The following KDM4C variants were observed in gnomAD, a reference collection of about 807,000 sequenced individuals.
KDM4C encodes lysine demethylase 4C.
In KDM4C, 81 loss-of-function variants were observed where a neutral mutation model predicts 129.3. That is an observed-to-expected ratio of 0.63 (90% CI 0.52 to 0.75). The LOEUF is 0.75. Among genes scored for constraint, KDM4C ranks in the 30% least tolerant of loss-of-function variants. The pLI is 0.00. For synonymous variants in KDM4C, 573 were observed against 456.1 expected, an observed-to-expected ratio of 1.26 and a Z score of -3.26; for missense variants, 1,457 against 1,304.0, an observed-to-expected ratio of 1.12 and a Z score of -1.81.
chr9:6,814,893 T>TTTC (rs1452592227), intron 4 of KDM4C, 148 bp downstream of exon 4: 1 of 442,388 alleles, frequency 2.3e-6, no homozygotes, highest in Non-Finnish European at 4.0e-6. Context: ...ATCAGTAGGA[T>TTTC]TTCTGCTGCT....
chr9:6,964,996 C>A (rs1256939968), intron 8 of KDM4C, among the ~76,000 whole-genome samples: 1 of 151,650 alleles, frequency 6.6e-6, no homozygotes, highest in Non-Finnish European at 1.5e-5. Flanking sequence ...GATTTTTCTC[C>A]TACATAACCT....
At chr9:6,770,537 TATGGCA>T in intron 1 of KDM4C, among the ~76,000 whole-genome samples, 1 of 151,922 alleles carries the variant, frequency 6.6e-6, no homozygotes, top group Non-Finnish European at 1.5e-5. Flanking sequence ...ACAGATTGCA[TATGGCA>T]TGATAATACA....
At position 7,121,073 on chromosome 9, in the gene KDM4C, T is replaced by G. The variant is rs572897327; in HGVS notation, c.2611-6993T>G. 7.9e-4 allele frequency among the ~76,000 whole-genome samples: 121 copies of G among 152,354 alleles called. 1 individual carries two copies. The highest frequency in any genetic ancestry group is 2.9e-3 in the African/African-American group (119 of 41,598). ...ATCACTAACATTTTAGTATGTATTT[T>G]CTCAGTGTTCCTTTTTTCTAGGCAT... is the stretch of plus-strand genomic sequence containing the variant. On this transcript the variant is annotated intron_variant, in intron 18 of 21. Transcript: ENST00000381309.
intron 8 of KDM4C, among the ~76,000 whole-genome samples, chr9:6,911,016 A>G (rs1253653868): frequency 6.6e-6 from 1 of 152,178 alleles, no homozygotes; most frequent in African/African-American, 2.4e-5. Flanking sequence ...TTATAGAAAG[A>G]TGTTTATTAA....
At chr9:7,031,497 G>A (rs1826763233) in intron 15 of KDM4C, among the ~76,000 whole-genome samples, 1 of 152,046 alleles carries the variant, frequency 6.6e-6, no homozygotes, top group Non-Finnish European at 1.5e-5. Flanking sequence ...TTAGATATAA[G>A]CAAACTATAT....
At chr9:6,867,014 TATA>T (rs1404155750) in intron 5 of KDM4C, among the ~76,000 whole-genome samples, 137 of 56,580 alleles carry the variant, frequency 2.4e-3, no homozygotes, top group South Asian at 5.5e-3. Flanking sequence ...TATATATATA[TATA>T]TTTTTTTTTT....
At chr9:6,868,343 A>G (rs1218362601) in intron 5 of KDM4C, among the ~76,000 whole-genome samples, 1 of 152,074 alleles carries the variant, frequency 6.6e-6, no homozygotes, top group African/African-American at 2.4e-5. Flanking sequence ...GAGTTTCCGT[A>G]GGTAACATAG....
At chr9:6,972,649 T>C (rs1414412333) in intron 8 of KDM4C, among the ~76,000 whole-genome samples, 1 of 152,212 alleles carries the variant, frequency 6.6e-6, no homozygotes, top group Non-Finnish European at 1.5e-5. Context: ...ACAGACTGGT[T>C]TAATGCAGCT....
chr9:6,784,320 C>T (rs1825010559), intron 1 of KDM4C, among the ~76,000 whole-genome samples: 2 of 152,070 alleles, frequency 1.3e-5, no homozygotes, highest in African/African-American at 4.8e-5. Flanking sequence ...AATAAAAATC[C>T]AGTTAGGTCT....
intron 8 of KDM4C, among the ~76,000 whole-genome samples, chr9:6,949,864 G>C (rs1827805003): frequency 6.6e-6 from 1 of 151,922 alleles, no homozygotes; most frequent in Non-Finnish European, 1.5e-5. Flanking sequence ...AGAGGGAGAG[G>C]GACCATTTTT....
chr9:6,972,407 T>C (rs1832154626), intron 8 of KDM4C, among the ~76,000 whole-genome samples: 1 of 152,184 alleles, frequency 6.6e-6, no homozygotes, highest in African/African-American at 2.4e-5. Context: ...GGTTATACCA[T>C]AATTTTTTAA....
intron 1 of KDM4C, chr9:6,748,854 A>C (rs1466707705): frequency 9.3e-7 from 1 of 1,071,544 alleles, no homozygotes; most frequent in Non-Finnish European, 1.5e-6. Context: ...ACAGCCTTCT[A>C]TCTGCATATT....
intron 4 of KDM4C, among the ~76,000 whole-genome samples, chr9:6,839,233 T>C (rs1423370139): frequency 6.6e-6 from 1 of 152,092 alleles, no homozygotes; most frequent in Non-Finnish European, 1.5e-5. Flanking sequence ...TAAATTTGTC[T>C]GTTGTTTTCC....
intron 8 of KDM4C, among the ~76,000 whole-genome samples, chr9:6,956,974 G>A (rs1045015801): frequency 7.9e-5 from 12 of 152,142 alleles, no homozygotes; most frequent in Non-Finnish European, 1.5e-4. Context: ...TGGTCAGGCA[G>A]TGTTAAGTTG....
intron 17 of KDM4C, among the ~76,000 whole-genome samples, chr9:7,086,249 C>T (rs1291641450): frequency 6.6e-6 from 1 of 152,138 alleles, no homozygotes; most frequent in African/African-American, 2.4e-5. Flanking sequence ...GTAGATATTT[C>T]TGTATTTTAT....
At chr9:7,067,411 G>A (rs6477143) in intron 17 of KDM4C, among the ~76,000 whole-genome samples, 116,383 of 152,172 alleles carry the variant, frequency 0.76, 44,675 homozygotes, top group African/African-American at 0.8. Context: ...GAAAGCAAAC[G>A]AGCAAGCAAG....
chr9:7,089,439 G>A (rs1461474449), intron 17 of KDM4C, among the ~76,000 whole-genome samples: 1 of 152,130 alleles, frequency 6.6e-6, no homozygotes, highest in East Asian at 1.9e-4. Flanking sequence ...TAATAAGTTG[G>A]AAAGCATTTT....
intron 8 of KDM4C, among the ~76,000 whole-genome samples, chr9:6,921,896 T>G (rs1821587303): frequency 6.6e-6 from 1 of 152,148 alleles, no homozygotes; most frequent in Admixed American, 6.5e-5. Context: ...CCATGATCCT[T>G]TTCCCAGAAT....
intron 8 of KDM4C, among the ~76,000 whole-genome samples, chr9:6,919,056 T>C (rs186424141): frequency 1.3e-5 from 2 of 152,286 alleles, no homozygotes; most frequent in Admixed American, 1.3e-4. Context: ...TTTCACCATC[T>C]TGGCCAGACT....
Sources: allele counts gnomAD v4.1 joint callset (sites outside exome capture counted in the v4.1 genomes callset), GRCh38; gene constraint gnomAD v4.1.1; transcripts MANE v1.5; gene names NCBI Gene and HGNC (gene_info 2026-07-23, HGNC 2026-07-21).